Variants in CACNA1C observed in about 807,000 individuals in gnomAD.
The protein encoded by CACNA1C is voltage-dependent L-type calcium channel subunit alpha-1C.
In CACNA1C, 30 loss-of-function variants were observed where a neutral mutation model predicts 229.0. That is an observed-to-expected ratio of 0.13 (90% confidence interval 0.10 to 0.18). CACNA1C has a LOEUF of 0.18. CACNA1C is among the 10% of genes least tolerant of loss of function. The pLI, the probability that CACNA1C is intolerant of heterozygous loss-of-function variation, is 1.00. For missense variants in CACNA1C, 1,658 were observed against 2,845.0 expected (o/e 0.58, Z 9.49); for synonymous variants, 1,114 against 1,132.5 (o/e 0.98, Z 0.33).
intron 3 of CACNA1C, among the ~76,000 whole-genome samples, chr12:2,290,673 A>C (rs1054682730): frequency 6.6e-6 from 1 of 151,908 alleles, no homozygotes; most frequent in Non-Finnish European, 1.5e-5. Flanking sequence ...AGAGACATAC[A>C]CTCGGGGCTG....
chr12:2,164,876 A>G (rs1043637433), intron 3 of CACNA1C, among the ~76,000 whole-genome samples: 59 of 152,212 alleles, frequency 3.9e-4, no homozygotes, highest in African/African-American at 1.4e-3. Flanking sequence ...AGCTCACTCA[A>G]TGGTGGCAGT....
At chr12:2,086,881 G>A (rs1393534353) in intron 1 of CACNA1C, among the ~76,000 whole-genome samples, 6 of 152,142 alleles carry the variant, frequency 3.9e-5, no homozygotes, top group Admixed American at 2.0e-4. Flanking sequence ...ACGGCAGCTG[G>A]AAAATGTAGG....
chr12:2,574,300 T>C (rs1035304728), intron 13 of CACNA1C, among the ~76,000 whole-genome samples: 2 of 152,176 alleles, frequency 1.3e-5, no homozygotes, highest in Non-Finnish European at 2.9e-5. Context: ...CCAGATTCAA[T>C]ATCCAGTTTT....
intron 3 of CACNA1C, among the ~76,000 whole-genome samples, chr12:2,385,300 G>T (rs566013234): frequency 1.3e-5 from 2 of 152,012 alleles, no homozygotes; most frequent in African/African-American, 4.8e-5. Flanking sequence ...GGTACTGCAC[G>T]GCCGGGCCAG....
chr12:2,584,643 T>C (rs2153229632), intron 16 of CACNA1C, 26 bp downstream of exon 16: 1 of 1,484,484 alleles, frequency 6.7e-7, no homozygotes, highest in Non-Finnish European at 9.4e-7. Context: ...TGCCCAGGCC[T>C]GGGGCTCCAG....
chr12:2,278,943 C>T (rs1319469286), intron 3 of CACNA1C, among the ~76,000 whole-genome samples: 1 of 152,156 alleles, frequency 6.6e-6, no homozygotes, highest in Non-Finnish European at 1.5e-5. Flanking sequence ...AATGTGTATG[C>T]AGTGGTATCT....
At chr12:2,482,998 G>A (rs532194241) in intron 5 of CACNA1C, among the ~76,000 whole-genome samples, 6 of 152,168 alleles carry the variant, frequency 3.9e-5, no homozygotes, top group Non-Finnish European at 7.4e-5. Flanking sequence ...TTTCATTCTT[G>A]TGGTTTCTGT....
chr12:2,449,205 C>T (rs991165917), intron 4 of CACNA1C, 90 bp downstream of exon 4: 9 of 968,346 alleles, frequency 9.3e-6, no homozygotes, highest in East Asian at 2.9e-5. Context: ...CGTTGTCAGA[C>T]GGCCACAAAG....
chr12:2,121,421 C>T (rs1333709005), intron 3 of CACNA1C, among the ~76,000 whole-genome samples: 2 of 152,050 alleles, frequency 1.3e-5, no homozygotes, highest in East Asian at 3.9e-4. Context: ...TTTCTTGGGC[C>T]CTTTCAGCAA....
chr12:2,078,335 C>G (rs2154038831), intron 1 of CACNA1C, among the ~76,000 whole-genome samples: 1 of 152,222 alleles, frequency 6.6e-6, no homozygotes, highest in South Asian at 2.1e-4. Flanking sequence ...GCCGGCTAGT[C>G]TATGGTATTT....
intron 11 of CACNA1C, among the ~76,000 whole-genome samples, chr12:2,559,567 G>A (rs563948045): frequency 1.3e-5 from 2 of 152,344 alleles, no homozygotes; most frequent in South Asian, 2.1e-4. Flanking sequence ...GCAGTAATGC[G>A]GACGGCAGAT....
chr12:2,445,529 T>C (rs569733652), intron 3 of CACNA1C, among the ~76,000 whole-genome samples: 71 of 152,274 alleles, frequency 4.7e-4, no homozygotes, highest in Middle Eastern at 3.4e-3. Flanking sequence ...GATCGCAGGA[T>C]AGGCTTTTTT....
intron 45 of CACNA1C, 104 bp downstream of exon 45, chr12:2,686,373 A>G: frequency 1.1e-6 from 1 of 920,436 alleles, no homozygotes; most frequent in Admixed American, 1.7e-5. Context: ...TGCCTGTCTC[A>G]GATGGCTGGC....
At chr12:2,405,077 C>T (rs977014334) in intron 3 of CACNA1C, among the ~76,000 whole-genome samples, 1 of 152,216 alleles carries the variant, frequency 6.6e-6, no homozygotes, top group African/African-American at 2.4e-5. Context: ...CGGCTACTCC[C>T]TGTGGGATAT....
intron 1 of CACNA1C, among the ~76,000 whole-genome samples, chr12:2,098,351 C>T (rs538936596): frequency 2.6e-4 from 40 of 152,276 alleles, no homozygotes; most frequent in African/African-American, 3.9e-4. Flanking sequence ...TGTTATTAAA[C>T]GGCCTGTGAG....
At chr12:2,594,172 G>A (rs2153348653) in intron 19 of CACNA1C, among the ~76,000 whole-genome samples, 1 of 152,270 alleles carries the variant, frequency 6.6e-6, no homozygotes, top group South Asian at 2.1e-4. Context: ...GTCAAGGTGT[G>A]GATTTCTTTC....
Position 2,566,599 on chromosome 12 carries a change from G to A in CACNA1C, c.1669+17G>A, listed in dbSNP as rs1470134348. 6.3e-7 allele frequency: 1 copy of A among 1,580,760 alleles called. No individual in the cohort carries two copies. Among genetic ancestry groups the A allele is most frequent in the Non-Finnish European group, 8.6e-7 (1 of 1,163,398 alleles). ...AAGTCCAAGGTGAGCGGCGGCCCCAGCTCTGCTCTGGTTTCCTCCTGGTAA... is the reference window on the plus strand; with the variant it reads ...AAGTCCAAGGTGAGCGGCGGCCCCAACTCTGCTCTGGTTTCCTCCTGGTAA... On this transcript the variant is annotated intron_variant, in intron 12 of 46. Coordinates refer to ENST00000399655, the MANE Select transcript of CACNA1C (RefSeq NM_000719.7). The surrounding 1 kb of genome is among the most constrained non-coding windows in gnomAD (Gnocchi z 4.0).
In CACNA1C at chr12:2,647,975, A is replaced by G. The variant is rs1010354612; in HGVS notation, c.3913-500A>G. Among the ~76,000 whole-genome samples, 1 of 152,098 alleles carries G rather than the reference A, an allele frequency of 6.6e-6. No individual in the cohort carries two copies. Among genetic ancestry groups the G allele is most frequent in the African/African-American group, 2.4e-5 (1 of 41,396 alleles). On this transcript the variant is annotated intron_variant, in intron 30 of 46. Coordinates refer to ENST00000399655, the MANE Select transcript of CACNA1C (RefSeq NM_000719.7). This position sits in a 1 kb window ranked among gnomAD's most constrained non-coding sequence, Gnocchi z 4.2. ...AGACCCTGTCTCTAAAAAAATTAAAATAAAAAATTTAAATTAGCCGGGCAT... is the reference window on the plus strand; with the variant it reads ...AGACCCTGTCTCTAAAAAAATTAAAGTAAAAAATTTAAATTAGCCGGGCAT...
At chr12:2,239,528 C>A (rs2068927689) in intron 3 of CACNA1C, among the ~76,000 whole-genome samples, 1 of 152,144 alleles carries the variant, frequency 6.6e-6, no homozygotes, top group Non-Finnish European at 1.5e-5. Context: ...GGTCTCAGCT[C>A]TTTTCCTGGG....
Sources: allele counts gnomAD v4.1 joint callset (sites outside exome capture counted in the v4.1 genomes callset), GRCh38; gene constraint gnomAD v4.1.1; non-coding constraint Gnocchi (gnomAD v3.1); transcripts MANE v1.5; gene names NCBI Gene and HGNC (gene_info 2026-07-23, HGNC 2026-07-21).